Variants in GRHL1 observed in about 807,000 individuals in gnomAD.
GRHL1 encodes the protein grainyhead like transcription factor 1, also known as grainyhead-like protein 1 homolog.
Under a neutral mutation model 75.7 loss-of-function variants are expected in GRHL1, and 38 were observed. That is an observed-to-expected ratio of 0.50 (90% CI 0.39 to 0.66). The LOEUF (loss-of-function observed/expected upper bound fraction) is 0.66, where lower values mean the gene tolerates loss of function less well. Ranked by LOEUF, GRHL1 falls within the 30% of genes least tolerant of loss-of-function variation. The probability of loss-of-function intolerance (pLI) is 0.00; values close to 1 mark genes in which losing one functional copy is unlikely to be tolerated. For missense variants in GRHL1, 589 were observed against 767.5 expected, an observed-to-expected ratio of 0.77 and a Z score of 2.75; for synonymous variants, 266 against 279.4, an observed-to-expected ratio of 0.95 and a Z score of 0.48.
intron 8 of GRHL1, among the ~76,000 whole-genome samples, chr2:9,977,809 C>G (rs1446001860): frequency 1.3e-5 from 2 of 152,058 alleles, no homozygotes; most frequent in African/African-American, 4.8e-5. Flanking sequence ...TGGCCATTTC[C>G]CTAAAGAATC....
chr2:9,998,708 ATATATATGTACACACATATATACG>A (rs1231989112), intron 14 of GRHL1, among the ~76,000 whole-genome samples: 5 of 53,148 alleles, frequency 9.4e-5, no homozygotes, highest in Non-Finnish European at 1.6e-4. Flanking sequence ...ATATATATAC[ATATATATGTACACACATATATACG>A]TATATATGTA....
intron 8 of GRHL1, among the ~76,000 whole-genome samples, chr2:9,975,104 C>T (rs868573594): frequency 2.4e-4 from 37 of 152,270 alleles, no homozygotes; most frequent in Middle Eastern, 6.8e-3. Flanking sequence ...CAGCTTAGTC[C>T]GAGGAGGTGC....
At position 9,998,423 on chromosome 2, in the gene GRHL1, C is replaced by CGTGCGTGT. The variant is rs1553306759; in HGVS notation, c.1678-542_1678-541insGTGCGTGT. Among the ~76,000 whole-genome samples, 5 of 33,860 alleles carry CGTGCGTGT rather than the reference C, an allele frequency of 1.5e-4. 1 individual carries two copies. The highest frequency in any genetic ancestry group is 8.7e-4 in the African/African-American group (5 of 5,750). 22.2% of individuals were successfully genotyped at this position (33,860 alleles called of 152,430 possible). On this transcript the variant is annotated intron_variant, in intron 14 of 15. Coordinates refer to ENST00000324907, the MANE Select transcript of GRHL1 (RefSeq NM_198182.3). ...AAAAACAAAAAGTCGAGTGACTATG[C>CGTGCGTGT]ATGTGTGTGTGTGTGTGTGTGTGTG...
Position 9,961,266 on chromosome 2 carries a change from G to A in GRHL1, c.499G>A (p.Ala167Thr), listed in dbSNP as rs752257191. Reference sequence around the variant, plus strand: ...GACAGAAACCCAGCCACATGGCTTCGCTGTGGGAATCCCCCCAGCAGTGTA... The same window carrying A: ...GACAGAAACCCAGCCACATGGCTTCACTGTGGGAATCCCCCCAGCAGTGTA... ...IKTETQPHGF[A>T]VGIPPAVYHP... The change falls in exon 4 of 16, where the codon GCT becomes ACT. Residue 167 changes from alanine to threonine, a missense_variant. Coordinates refer to ENST00000324907, the MANE Select transcript of GRHL1 (RefSeq NM_198182.3). 4.8e-5 allele frequency: 78 copies of A among 1,614,028 alleles called. No individual in the cohort carries two copies. Among genetic ancestry groups the A allele is most frequent in the South Asian group, 7.7e-5 (7 of 91,076 alleles).
intron 2 of GRHL1, among the ~76,000 whole-genome samples, chr2:9,955,502 C>A (rs536380471): frequency 1.3e-5 from 2 of 152,140 alleles, no homozygotes; most frequent in South Asian, 2.1e-4. Flanking sequence ...TACTACAGAG[C>A]CTTTGAAATC....
At chr2:9,963,698 C>T (rs1461965996) in intron 5 of GRHL1, among the ~76,000 whole-genome samples, 188 bp from the exon 6 acceptor site, 1 of 152,188 alleles carries the variant, frequency 6.6e-6, no homozygotes, top group Non-Finnish European at 1.5e-5. Flanking sequence ...ACATCCATCA[C>T]ATCATAGAAT....
At chr2:9,975,298 A>G (rs1471590966) in intron 8 of GRHL1, among the ~76,000 whole-genome samples, 1 of 152,236 alleles carries the variant, frequency 6.6e-6, no homozygotes, top group African/African-American at 2.4e-5. Flanking sequence ...TAACAGAAAG[A>G]TAGTCACTGG....
intron 15 of GRHL1, 60 bp downstream of exon 15, chr2:9,999,089 T>C: frequency 1.3e-6 from 1 of 777,036 alleles, no homozygotes; most frequent in Admixed American, 2.4e-5. Context: ...GCAGTGCTAG[T>C]GTGACGCACC....
At chr2:9,993,035 C>G (rs1668711372) in intron 11 of GRHL1, among the ~76,000 whole-genome samples, 172 bp from the exon 12 acceptor site, 1 of 152,188 alleles carries the variant, frequency 6.6e-6, no homozygotes, top group African/African-American at 2.4e-5. Context: ...GGCCCAACCA[C>G]TGAGTTAAAG....
chr2:9,969,302 A>C (rs1228755181), intron 8 of GRHL1, among the ~76,000 whole-genome samples: 1 of 152,196 alleles, frequency 6.6e-6, no homozygotes, highest in Non-Finnish European at 1.5e-5. Context: ...ACCTATGTCC[A>C]TAGTTAGTGG....
intron 9 of GRHL1, among the ~76,000 whole-genome samples, chr2:9,989,970 G>A (rs1668573415): frequency 6.6e-6 from 1 of 152,146 alleles, no homozygotes; most frequent in Non-Finnish European, 1.5e-5. Context: ...ACAGCCTTCA[G>A]TGATAACCTT....
Position 9,999,823 on chromosome 2 carries a change from TTAA to T in GRHL1, c.1743-767_1743-765del, listed in dbSNP as rs3838540. On this transcript the variant is annotated intron_variant, in intron 15 of 15. Transcript: ENST00000324907. ...ATGGTTCTAGTGGAAAGAGTTGGAC[TTAA>T]TAGTAGTTAATTTATTTTTGTTTAT... 1.4e-3 allele frequency among the ~76,000 whole-genome samples: 220 copies of T among 152,398 alleles called. 7 individuals carry two copies. The East Asian group carries it at 0.034, about 24-fold the overall frequency.
chr2:9,978,888 G>A (rs1668067756), intron 8 of GRHL1, among the ~76,000 whole-genome samples: 2 of 152,086 alleles, frequency 1.3e-5, no homozygotes, highest in South Asian at 4.1e-4. Flanking sequence ...CTACATGGGA[G>A]GCTGAGGCAG....
intron 8 of GRHL1, among the ~76,000 whole-genome samples, chr2:9,969,760 GA>G (rs199700814): frequency 0.012 from 1,829 of 152,026 alleles, 20 homozygotes; most frequent in Non-Finnish European, 0.019. Context: ...TGGCAGATGG[GA>G]AAACAGCTGC....
Position 9,951,746 on chromosome 2 carries a change from CG to C in GRHL1, c.-87del. ...GGGGCCGCCGCTCCGGACCCGCAGC[CG>C]CCGCCGCCGCCTCCTCCCCCCGGAT... On this transcript the variant is annotated 5_prime_UTR_variant, in exon 1 of 16. Coordinates refer to ENST00000324907, the MANE Select transcript of GRHL1 (RefSeq NM_198182.3). This position sits in a 1 kb window ranked among gnomAD's most constrained non-coding sequence, Gnocchi z 4.2. 2 of 1,173,938 alleles carry C rather than the reference CG, an allele frequency of 1.7e-6. No individual in the cohort carries two copies. The highest frequency in any genetic ancestry group is 2.3e-6 in the Non-Finnish European group (2 of 855,784). The allele number at this position is 1,173,938 out of a possible 1,614,324, so 72.7% of individuals were successfully genotyped here.
At position 10,001,952 on chromosome 2, in the gene GRHL1, A is replaced by G. The variant is rs1669285262; in HGVS notation, c.*1245A>G. 1 of 152,634 alleles carries G rather than the reference A, an allele frequency of 6.6e-6. No individual in the cohort carries two copies. Among genetic ancestry groups the G allele is most frequent in the Non-Finnish European group, 1.5e-5 (1 of 68,034 alleles). 9.5% of individuals were successfully genotyped at this position (152,634 alleles called of 1,614,324 possible). On this transcript the variant is annotated 3_prime_UTR_variant, in exon 16 of 16. Transcript: ENST00000324907. ...CATGAATTCACAAAAATATGTTACTATGGCAGGGGAACATTTTGTACACAT... is the reference window on the plus strand; with the variant it reads ...CATGAATTCACAAAAATATGTTACTGTGGCAGGGGAACATTTTGTACACAT...
intron 12 of GRHL1, among the ~76,000 whole-genome samples, chr2:9,993,735 G>A (rs1383393886): frequency 6.6e-6 from 1 of 152,152 alleles, no homozygotes; most frequent in African/African-American, 2.4e-5. Context: ...AGCAGATGGC[G>A]CTTGATGTCA....
rs1033821812 is a variant in GRHL1 at position 9,993,879 on chromosome 2, T to C, written c.1499+635T>C. On this transcript the variant is annotated intron_variant, in intron 12 of 15. Transcript: ENST00000324907. ...CATTGTAGCTTTGTAAATATCTCAT[T>C]CCCCATCAAACTTTCAGTTTACTCG... 2.0e-5 allele frequency among the ~76,000 whole-genome samples: 3 copies of C among 152,334 alleles called. No homozygotes were observed. The East Asian group carries it at 5.8e-4, about 29-fold the overall frequency.
At chr2:9,969,460 T>C (rs1409513478) in intron 8 of GRHL1, among the ~76,000 whole-genome samples, 1 of 152,208 alleles carries the variant, frequency 6.6e-6, no homozygotes, top group Non-Finnish European at 1.5e-5. Flanking sequence ...CAGGGAAGAT[T>C]ACTTAAAAAT....
Sources: gnomAD v4.1 joint callset for allele counts (sites outside exome capture counted in the v4.1 genomes callset) on GRCh38, gnomAD v4.1.1 for gene constraint, Gnocchi (gnomAD v3.1) non-coding constraint, MANE v1.5 for transcripts, NCBI Gene and HGNC (gene_info 2026-07-23, HGNC 2026-07-21) for gene names.